COL18A1: variants seen among roughly 807,000 people sequenced by gnomAD.
COL18A1 encodes collagen type XVIII alpha 1 chain, also known as collagen alpha-1(XVIII) chain.
Under a neutral mutation model 168.0 loss-of-function variants are expected in COL18A1, and 133 were observed. The ratio of observed to expected loss-of-function variants is 0.79; its 90% CI spans 0.69 to 0.91. The LOEUF is 0.91. COL18A1 is among the 40% of genes least tolerant of loss of function. The pLI is 0.00. For synonymous variants in COL18A1, 949 were observed against 809.0 expected (o/e 1.17, Z -2.94); for missense variants, 2,126 against 1,925.4 (o/e 1.10, Z -1.95).
intron 38 of COL18A1, among the ~76,000 whole-genome samples, chr21:45,508,573 G>C (rs117312236): frequency 6.6e-6 from 1 of 152,094 alleles, no homozygotes; most frequent in Non-Finnish European, 1.5e-5. Context: ...TAAGTGTTGC[G>C]TCCAGCTGCT....
chr21:45,494,441 ACAAGCCGC>A, intron 26 of COL18A1, 96 bp from the exon 27 acceptor site: 1 of 1,545,460 alleles, frequency 6.5e-7, no homozygotes, highest in Non-Finnish European at 8.9e-7. Flanking sequence ...CAGGTGGGGC[ACAAGCCGC>A]CACCTAACCG....
At chr21:45,416,181 G>A (rs567596037) in intron 2 of COL18A1, among the ~76,000 whole-genome samples, 6 of 152,264 alleles carry the variant, frequency 3.9e-5, no homozygotes, top group Admixed American at 6.5e-5. Flanking sequence ...CCCTAGACCC[G>A]GCTTTTTAAA....
At chr21:45,491,360 A>C in intron 22 of COL18A1, 46 bp downstream of exon 22, 3 of 1,241,756 alleles carry the variant, frequency 2.4e-6, no homozygotes, top group East Asian at 2.4e-5. Flanking sequence ...CAGACCCCCC[A>C]CGGGGTGCAG....
At chr21:45,490,521 C>T (rs1363613446) in intron 20 of COL18A1, among the ~76,000 whole-genome samples, 175 bp downstream of exon 20, 1 of 69,792 alleles carries the variant, frequency 1.4e-5, no homozygotes, top group Non-Finnish European at 3.1e-5. Context: ...CGTGTGCCCA[C>T]TCCCGGGTCT....
intron 2 of COL18A1, chr21:45,408,134 T>A (rs1209795663): frequency 6.6e-6 from 1 of 152,232 alleles, no homozygotes; most frequent in Non-Finnish European, 1.5e-5. Context: ...AAGTCCTCTG[T>A]AGGAAAACCT....
In COL18A1 at chr21:45,446,278, G is replaced by T. The variant is rs571524384; in HGVS notation, c.107-21964G>T. On this transcript the variant is annotated intron_variant, in intron 2 of 41. Transcript: ENST00000651438. Reference sequence around the variant, plus strand: ...CCAGAACCCTCAGTTCCACTGCACCGATGCGTGTGTCTGTCCTTGCGCCAC... The same window carrying T: ...CCAGAACCCTCAGTTCCACTGCACCTATGCGTGTGTCTGTCCTTGCGCCAC... Among the ~76,000 whole-genome samples, 4 of 152,310 alleles carry T rather than the reference G, an allele frequency of 2.6e-5. No homozygotes were observed. The South Asian group carries it at 8.3e-4, about 32-fold the overall frequency.
intron 38 of COL18A1, among the ~76,000 whole-genome samples, chr21:45,507,897 C>T (rs762017611): frequency 6.6e-6 from 1 of 152,332 alleles, no homozygotes; most frequent in South Asian, 2.1e-4. Flanking sequence ...GGGCCAAAAT[C>T]CACATCTTGT....
At chr21:45,495,188 C>A in intron 28 of COL18A1, 170 bp from the exon 29 acceptor site, 1 of 680,442 alleles carries the variant, frequency 1.5e-6, no homozygotes, top group Admixed American at 2.1e-5. Flanking sequence ...CAAAAGGGTC[C>A]TTGTGCAGGA....
intron 27 of COL18A1, 64 bp from the exon 28 acceptor site, chr21:45,494,798 C>A: frequency 6.9e-7 from 1 of 1,458,570 alleles, no homozygotes; most frequent in East Asian, 2.4e-5. Context: ...TTCCCCAGGA[C>A]CCCCCAACTC....
intron 2 of COL18A1, chr21:45,422,490 C>T (rs375981940): frequency 1.3e-5 from 7 of 527,862 alleles, no homozygotes; most frequent in Middle Eastern, 3.2e-4. Flanking sequence ...AGCCAGGAGC[C>T]GGGGCCTTTG....
At chr21:45,485,313 T>A (rs1010529967) in intron 15 of COL18A1, among the ~76,000 whole-genome samples, 12 of 150,904 alleles carry the variant, frequency 8.0e-5, no homozygotes, top group Non-Finnish European at 1.3e-4. Flanking sequence ...AACAAACTTT[T>A]TTATAGGCAC....
chr21:45,447,069 G>A lies in COL18A1; in HGVS notation c.107-21173G>A, dbSNP rs370245548. Reference sequence around the variant, plus strand: ...CTAAGATCAGGAGCAAGACAAGGACGTTCCCTATTGCGCCTTCTGTTTAAC... The same window carrying A: ...CTAAGATCAGGAGCAAGACAAGGACATTCCCTATTGCGCCTTCTGTTTAAC... On this transcript the variant is annotated intron_variant, in intron 2 of 41. Coordinates refer to ENST00000651438, the MANE Select transcript of COL18A1 (RefSeq NM_001379500.1). Among the ~76,000 whole-genome samples the A allele has an allele frequency of 3.0e-4, 46 of 152,250 alleles. 1 individual carries two copies. In the East Asian group the frequency reaches 4.6e-3, roughly 15 times the overall value.
intron 2 of COL18A1, among the ~76,000 whole-genome samples, chr21:45,452,328 G>A (rs1269234951): frequency 6.6e-6 from 1 of 151,930 alleles, no homozygotes; most frequent in Non-Finnish European, 1.5e-5. Flanking sequence ...ATGCATGGCA[G>A]AGCTGAGCAT....
intron 29 of COL18A1, chr21:45,496,091 TGCCCTCCATGCCCTCCATGCCCTCCAA>T (rs2036533388): frequency 2.7e-6 from 1 of 365,660 alleles, no homozygotes; most frequent in Non-Finnish European, 5.1e-6. Flanking sequence ...ATGCCCTCTA[TGCCCTCCATGCCCTCCATGCCCTCCAA>T]GCCCTCCATG....
chr21:45,505,530 G>C (rs952276136), intron 36 of COL18A1, 99 bp downstream of exon 36: 3 of 740,508 alleles, frequency 4.1e-6, no homozygotes, highest in Non-Finnish European at 7.0e-6. Context: ...ACCCCACAGG[G>C]AGATATACAG....
intron 29 of COL18A1, chr21:45,495,659 T>C: frequency 3.7e-6 from 2 of 547,580 alleles, no homozygotes; most frequent in South Asian, 1.9e-5. Context: ...CTCATACATG[T>C]GTGCACATAT....
chr21:45,493,914 A>G, intron 26 of COL18A1: 1 of 354,594 alleles, frequency 2.8e-6, no homozygotes, highest in Non-Finnish European at 5.3e-6. Flanking sequence ...CAGCCTCAGC[A>G]GGTTTCTGGC....
At chr21:45,482,915 G>C in intron 15 of COL18A1, 94 bp downstream of exon 15, 2 of 1,587,338 alleles carry the variant, frequency 1.3e-6, no homozygotes, top group Non-Finnish European at 1.7e-6. Flanking sequence ...ACGGTCGAGA[G>C]AGTGAGCTCT....
rs891739520 is a variant in COL18A1 at position 45,512,568 on chromosome 21, A to AT, written c.*177dup. 51 of 679,678 alleles carry AT rather than the reference A, an allele frequency of 7.5e-5. No individual in the cohort carries two copies. The highest frequency in any genetic ancestry group is 2.0e-4 in the Admixed American group (7 of 35,856). 42.1% of individuals were successfully genotyped at this position (679,678 alleles called of 1,614,324 possible). On this transcript the variant is annotated 3_prime_UTR_variant, in exon 42 of 42. Coordinates refer to ENST00000651438, the MANE Select transcript of COL18A1 (RefSeq NM_001379500.1). ...GAAATAAAAGGAAGCCAAAGAGTGT[A>AT]TTTTTTTAAAAGTTTAAAACAGAAG...
Sources: allele counts gnomAD v4.1 joint callset (sites outside exome capture counted in the v4.1 genomes callset), GRCh38; gene constraint gnomAD v4.1.1; transcripts MANE v1.5; gene names NCBI Gene and HGNC (gene_info 2026-07-23, HGNC 2026-07-21).